The following BDH1 variants were observed in gnomAD, a reference collection of about 807,000 sequenced individuals.
BDH1 encodes the protein D-beta-hydroxybutyrate dehydrogenase, mitochondrial.
In BDH1, 30 loss-of-function variants were observed where a neutral mutation model predicts 33.1. That is an observed-to-expected ratio of 0.91 (90% CI 0.68 to 1.23). The LOEUF (loss-of-function observed/expected upper bound fraction) is 1.23. Ranked by LOEUF, BDH1 falls within the 50% of genes most tolerant of loss-of-function variation. BDH1 has a pLI of 0.00. For synonymous variants in BDH1, 190 were observed against 183.6 expected, an observed-to-expected ratio of 1.03 and a Z score of -0.28; for missense variants, 443 against 464.4, an observed-to-expected ratio of 0.95 and a Z score of 0.42.
intron 1 of BDH1, among the ~76,000 whole-genome samples, chr3:197,564,989 C>T (rs1717388459): frequency 6.6e-6 from 1 of 152,160 alleles, no homozygotes; most frequent in African/African-American, 2.4e-5. Context: ...ATGGTGCAAT[C>T]TCCGCTCACT....
chr3:197,544,169 T>G (rs1715888572), intron 3 of BDH1, among the ~76,000 whole-genome samples: 1 of 152,124 alleles, frequency 6.6e-6, no homozygotes, highest in Non-Finnish European at 1.5e-5. Context: ...GCATGGCGAT[T>G]ACCCACCATG....
At chr3:197,544,298 C>A (rs1385785998) in intron 3 of BDH1, among the ~76,000 whole-genome samples, 1 of 152,192 alleles carries the variant, frequency 6.6e-6, no homozygotes, top group Non-Finnish European at 1.5e-5. Flanking sequence ...CTCAACCTAA[C>A]CAAGTTACTT....
chr3:197,521,881 C>A lies in BDH1; in HGVS notation c.409+759G>T, dbSNP rs1266464636. Among the ~76,000 whole-genome samples, 1 of 152,182 alleles carries A rather than the reference C, an allele frequency of 6.6e-6. No individual in the cohort carries two copies. Among genetic ancestry groups the A allele is most frequent in the East Asian group, 1.9e-4 (1 of 5,192 alleles). On this transcript the variant is annotated intron_variant, in intron 6 of 7. Coordinates refer to ENST00000392379, the MANE Select transcript of BDH1 (RefSeq NM_203314.3). This position sits in a 1 kb window ranked among gnomAD's most constrained non-coding sequence, Gnocchi z 4.9. ...CCACTGCCATCCTCAGAGGGAGATT[C>A]ACAAGTCTCACAATGACCAGGCCAT...
chr3:197,531,266 C>T (rs1714616725), intron 5 of BDH1, among the ~76,000 whole-genome samples: 1 of 151,676 alleles, frequency 6.6e-6, no homozygotes. Context: ...CATGGTGGCT[C>T]ATGCCTGTAG....
Position 197,545,696 on chromosome 3 carries a change from T to C in BDH1, c.83+665A>G, listed in dbSNP as rs1275342990. On this transcript the variant is annotated intron_variant, in intron 3 of 7. Coordinates refer to ENST00000392379, the MANE Select transcript of BDH1 (RefSeq NM_203314.3). ...CTAGTTAATAGTATTCTATCAATGG[T>C]AATTTCCTGATTTTGATCATTGCAG... Among the ~76,000 whole-genome samples, 4 of 152,260 alleles carry C rather than the reference T, an allele frequency of 2.6e-5. 1 individual carries two copies. The highest frequency in any genetic ancestry group is 2.6e-4 in the Admixed American group (4 of 15,284).
chr3:197,558,426 T>C (rs143948151), upstream of BDH1, among the ~76,000 whole-genome samples: 50 of 152,318 alleles, frequency 3.3e-4, no homozygotes, highest in East Asian at 7.3e-3. Flanking sequence ...TCTATGCAGC[T>C]CCTAAAATGA....
intron 2 of BDH1, among the ~76,000 whole-genome samples, chr3:197,550,879 A>G (rs1716511278): frequency 6.6e-6 from 1 of 152,208 alleles, no homozygotes; most frequent in East Asian, 1.9e-4. Context: ...GCCACTTGCC[A>G]CCAAATCAAT....
intron 1 of BDH1, chr3:197,573,079 C>T (rs1349046167): frequency 1.3e-5 from 2 of 152,196 alleles, no homozygotes. Flanking sequence ...TCACGCCTCC[C>T]CAACCTCCTC....
rs4857523 is a variant in BDH1, at chr3:197,521,832, C to T, written c.409+808G>A. Among the ~76,000 whole-genome samples the T allele has an allele frequency of 0.18, 26,804 of 152,194 alleles. 2,439 individuals are homozygous for T. Among genetic ancestry groups the T allele is most frequent in the Admixed American group, 0.19 (2,875 of 15,288 alleles). ...GAGTCCAGAACCCATGTTTAACTCC[C>T]GCTTTGAATCCACCTTCACATTGCC... is the stretch of plus-strand genomic sequence containing the variant. On this transcript the variant is annotated intron_variant, in intron 6 of 7. Transcript: ENST00000392379. The surrounding 1 kb of genome is among the most constrained non-coding windows in gnomAD (Gnocchi z 4.9).
chr3:197,512,825 G>C (rs907250074), intron 7 of BDH1, among the ~76,000 whole-genome samples: 2 of 152,162 alleles, frequency 1.3e-5, no homozygotes, highest in Non-Finnish European at 2.9e-5. Flanking sequence ...CCAGTAGTAC[G>C]ACGTGCAGAT....
In BDH1 at chr3:197,514,880, C is replaced by A. The variant is rs1377901560; in HGVS notation, c.410-464G>T. Among the ~76,000 whole-genome samples the A allele has an allele frequency of 6.6e-6, 1 of 152,168 alleles. No individual in the cohort carries two copies. Among genetic ancestry groups the A allele is most frequent in the Non-Finnish European group, 1.5e-5 (1 of 68,040 alleles). ...AGGGAAATCACAGGGGAGGTGGGCA[C>A]GAGGAGGCAGCTGTGTTTTGCAGGG... On this transcript the variant is annotated intron_variant, in intron 6 of 7. Coordinates refer to ENST00000392379, the MANE Select transcript of BDH1 (RefSeq NM_203314.3). The surrounding 1 kb of genome is among the most constrained non-coding windows in gnomAD (Gnocchi z 4.2).
chr3:197,516,772 C>T lies in BDH1; in HGVS notation c.410-2356G>A, dbSNP rs13081904. 0.057 allele frequency among the ~76,000 whole-genome samples: 8,688 copies of T among 152,136 alleles called. 318 individuals carry two copies. Among genetic ancestry groups the T allele is most frequent in the African/African-American group, 0.066 (2,757 of 41,476 alleles). On this transcript the variant is annotated intron_variant, in intron 6 of 7. Coordinates refer to ENST00000392379, the MANE Select transcript of BDH1 (RefSeq NM_203314.3). The surrounding 1 kb of genome is among the most constrained non-coding windows in gnomAD (Gnocchi z 4.2). Reference sequence around the variant, plus strand: ...TCCTCCAGCTCCTCCACCCCTCCCCCACCTACTGAGTCACCCAGTACTGCT... The same window carrying T: ...TCCTCCAGCTCCTCCACCCCTCCCCTACCTACTGAGTCACCCAGTACTGCT...
In BDH1 at chr3:197,510,715, G is replaced by A. The variant is rs1399937796; in HGVS notation, c.*1180C>T. The A allele has an allele frequency of 8.1e-6, 1 of 123,122 alleles. No homozygotes were observed. The highest frequency in any genetic ancestry group is 3.5e-5 in the African/African-American group (1 of 28,864). The allele number at this position is 123,122 out of a possible 1,614,324, so 7.6% of individuals were successfully genotyped here. A position where few individuals can be genotyped will look rare whatever the true frequency, so the allele number is the denominator to read the frequency against. ...TGTGTGTGTGTGTGTGTGTGTGTGT[G>A]TGTACATGTGTGTAAGCACCACGTG... On this transcript the variant is annotated 3_prime_UTR_variant, in exon 8 of 8. Coordinates refer to ENST00000392379, the MANE Select transcript of BDH1 (RefSeq NM_203314.3).
chr3:197,532,879 C>T (rs1027999620), intron 4 of BDH1, among the ~76,000 whole-genome samples: 2 of 152,122 alleles, frequency 1.3e-5, no homozygotes, highest in East Asian at 3.9e-4. Flanking sequence ...AGTCTAAACT[C>T]TTCTTCTTTT....
rs147972497 is a variant in BDH1 at position 197,515,608 on chromosome 3, C to T, written c.410-1192G>A. 1.1e-5 allele frequency: 11 copies of T among 985,568 alleles called. No individual in the cohort carries two copies. In the African/African-American group the frequency reaches 1.4e-4, roughly 12 times the overall value. The allele number at this position is 985,568 out of a possible 1,614,324, so 61.1% of individuals were successfully genotyped here. ...GACTCCATCCCTTCAGTTCTATACA[C>T]ATTAGGAGCTCAACAAATGTGTGTT... On this transcript the variant is annotated intron_variant, in intron 6 of 7. Transcript: ENST00000392379.
chr3:197,533,410 G>C (rs955414521), intron 4 of BDH1, 79 bp downstream of exon 4: 2 of 1,439,662 alleles, frequency 1.4e-6, no homozygotes, highest in African/African-American at 2.8e-5. Context: ...CCACTCTGAG[G>C]GTAGCTCAGG....
chr3:197,512,624 G>T (rs986954880), intron 7 of BDH1, among the ~76,000 whole-genome samples: 1 of 152,218 alleles, frequency 6.6e-6, no homozygotes, highest in Non-Finnish European at 1.5e-5. Flanking sequence ...TGGGCAACAC[G>T]CAACTGACTC....
chr3:197,518,152 C>T lies in BDH1; in HGVS notation c.410-3736G>A, dbSNP rs183849901. On this transcript the variant is annotated intron_variant, in intron 6 of 7. Transcript: ENST00000392379. ...GGTCTCCATCCCCCCTCAGGCCGAC[C>T]GCCCCCCATCAGTCACTTCCTGCTC... Among the ~76,000 whole-genome samples the T allele has an allele frequency of 2.5e-3, 56 of 22,672 alleles. 1 individual carries two copies. Among genetic ancestry groups the T allele is most frequent in the East Asian group, 7.1e-3 (2 of 280 alleles). The allele number at this position is 22,672 out of a possible 152,430, so 14.9% of individuals were successfully genotyped here. A position where few individuals can be genotyped will look rare whatever the true frequency, so the allele number is the denominator to read the frequency against.
At position 197,522,884 on chromosome 3, in the gene BDH1, A is replaced by C; in HGVS notation, c.268-103T>G. ...GGAGCTGGCCTCAAGTCCCAGCCAAAGCCTCAGGCATACTGGCAACTGCCC... is the reference window on the plus strand; with the variant it reads ...GGAGCTGGCCTCAAGTCCCAGCCAACGCCTCAGGCATACTGGCAACTGCCC... On this transcript the variant is annotated intron_variant, in intron 5 of 7. Transcript: ENST00000392379. The surrounding 1 kb of genome is among the most constrained non-coding windows in gnomAD (Gnocchi z 4.8). 1.4e-6 allele frequency: 2 copies of C among 1,431,264 alleles called. No individual in the cohort carries two copies. Among genetic ancestry groups the C allele is most frequent in the Non-Finnish European group, 9.5e-7 (1 of 1,057,500 alleles). The allele number at this position is 1,431,264 out of a possible 1,614,324, so 88.7% of individuals were successfully genotyped here.
Sources: allele counts gnomAD v4.1 joint callset (sites outside exome capture counted in the v4.1 genomes callset), GRCh38; gene constraint gnomAD v4.1.1; non-coding constraint Gnocchi (gnomAD v3.1); transcripts MANE v1.5; gene names NCBI Gene and HGNC (gene_info 2026-07-23, HGNC 2026-07-21).